Variants in DNAAF11 observed in about 807,000 individuals in gnomAD.
DNAAF11 encodes dynein axonemal assembly factor 11, also known as leucine rich repeat containing 6.
In DNAAF11, 45 loss-of-function variants were observed where a neutral mutation model predicts 60.8. The observed-to-expected ratio is 0.74, with a 90% CI of 0.58 to 0.95. The LOEUF (loss-of-function observed/expected upper bound fraction) is 0.95, where lower values mean the gene tolerates loss of function less well. DNAAF11 is among the 40% of genes least tolerant of loss of function. The pLI is 0.00. For missense variants in DNAAF11, 546 were observed against 546.2 expected (o/e 1.00, Z 0.00); for synonymous variants, 191 against 183.5 (o/e 1.04, Z -0.33).
intron 3 of DNAAF11, among the ~76,000 whole-genome samples, chr8:132,646,036 C>A (rs1367798142): frequency 6.6e-6 from 1 of 152,130 alleles, no homozygotes; most frequent in Non-Finnish European, 1.5e-5. Flanking sequence ...ACATAATTGT[C>A]AGATTCACCA....
chr8:132,606,200 A>G (rs1818117061), intron 10 of DNAAF11, among the ~76,000 whole-genome samples: 1 of 152,224 alleles, frequency 6.6e-6, no homozygotes, highest in African/African-American at 2.4e-5. Context: ...AGCATATACA[A>G]TTATGTCCAG....
At chr8:132,577,389 G>A (rs1047395621) in intron 11 of DNAAF11, among the ~76,000 whole-genome samples, 7 of 152,102 alleles carry the variant, frequency 4.6e-5, no homozygotes, top group African/African-American at 1.7e-4. Flanking sequence ...GTCTATCTTA[G>A]GTATTCTATT....
chr8:132,683,104 T>C, the DNAAF11 span, among the ~76,000 whole-genome samples: 1 of 152,204 alleles, frequency 6.6e-6, no homozygotes, highest in South Asian at 2.1e-4. Flanking sequence ...ATGGATTCCA[T>C]GGTATTTGAG....
chr8:132,688,925 A>G, the DNAAF11 span, among the ~76,000 whole-genome samples: 1 of 152,206 alleles, frequency 6.6e-6, no homozygotes, highest in Non-Finnish European at 1.5e-5. Flanking sequence ...ATTTATTCTA[A>G]TTCATGTAAG....
chr8:132,659,556 C>T (rs1823925097), intron 2 of DNAAF11, among the ~76,000 whole-genome samples: 1 of 152,114 alleles, frequency 6.6e-6, no homozygotes, highest in South Asian at 2.1e-4. Flanking sequence ...TTTCATGCCC[C>T]CATGCATAAA....
chr8:132,666,415 T>TA (rs1253854808), intron 1 of DNAAF11, among the ~76,000 whole-genome samples: 2 of 152,046 alleles, frequency 1.3e-5, no homozygotes, highest in Non-Finnish European at 2.9e-5. Flanking sequence ...TATGTACAAT[T>TA]ATGTCAAATA....
intron 3 of DNAAF11, among the ~76,000 whole-genome samples, chr8:132,650,584 T>C (rs909282322): frequency 6.6e-6 from 1 of 152,186 alleles, no homozygotes. Context: ...ATTATAAAAA[T>C]GTAGGCTCAG....
At chr8:132,622,386 A>G (rs1462297299) in intron 7 of DNAAF11, among the ~76,000 whole-genome samples, 2 of 152,236 alleles carry the variant, frequency 1.3e-5, no homozygotes, top group African/African-American at 2.4e-5. Flanking sequence ...AGATCTCCAT[A>G]TGTCAAGATC....
At chr8:132,656,024 C>A (rs544524663) in intron 3 of DNAAF11, among the ~76,000 whole-genome samples, 1 of 152,088 alleles carries the variant, frequency 6.6e-6, no homozygotes, top group Non-Finnish European at 1.5e-5. Context: ...AAACTGTGCA[C>A]ATGTACACAA....
chr8:132,634,796 T>C (rs1170125119), intron 4 of DNAAF11, among the ~76,000 whole-genome samples: 1 of 148,566 alleles, frequency 6.7e-6, no homozygotes, highest in Non-Finnish European at 1.5e-5. Flanking sequence ...TATATAAATA[T>C]ATATTAACAT....
chr8:132,694,491 T>C, the DNAAF11 span, among the ~76,000 whole-genome samples: 2 of 152,202 alleles, frequency 1.3e-5, no homozygotes, highest in Non-Finnish European at 2.9e-5. Flanking sequence ...CTCAGACTTC[T>C]AGCCTCCGTA....
At chr8:132,635,494 G>T (rs548485716) in intron 4 of DNAAF11, among the ~76,000 whole-genome samples, 1 of 152,274 alleles carries the variant, frequency 6.6e-6, no homozygotes, top group South Asian at 2.1e-4. Flanking sequence ...CCACTATACT[G>T]CAGGGCCCAC....
intron 1 of DNAAF11, among the ~76,000 whole-genome samples, chr8:132,674,120 G>GGAA (rs1563725830): frequency 1.4e-5 from 2 of 144,306 alleles, no homozygotes; most frequent in Non-Finnish European, 3.0e-5. Context: ...AGCAGGAGGA[G>GGAA]GAGGAGGAGG....
chr8:132,675,524 C>T lies in DNAAF11; in HGVS notation c.-31G>A, dbSNP rs903247364. 3.2e-6 allele frequency: 5 copies of T among 1,552,618 alleles called. No individual in the cohort carries two copies. Among genetic ancestry groups the T allele is most frequent in the Admixed American group, 1.8e-5 (1 of 54,444 alleles). ...CTCTCCAGTTCGCTGACCCCGCAAG[C>T]CGGACCCGGACCTCGAATGACGCTT... On this transcript the variant is annotated 5_prime_UTR_variant, in exon 1 of 12. Transcript: ENST00000620350.
At chr8:132,699,676 A>C in the DNAAF11 span, among the ~76,000 whole-genome samples, 1 of 152,048 alleles carries the variant, frequency 6.6e-6, no homozygotes, top group Non-Finnish European at 1.5e-5. Flanking sequence ...CAATAGCCCC[A>C]AAAGTGGTAA....
At chr8:132,607,548 G>T (rs535682826) in intron 10 of DNAAF11, among the ~76,000 whole-genome samples, 1 of 152,258 alleles carries the variant, frequency 6.6e-6, no homozygotes, top group South Asian at 2.1e-4. Flanking sequence ...AATACCCAGA[G>T]TGTATAGATC....
intron 3 of DNAAF11, chr8:132,643,778 T>C (rs75542809): frequency 2.1e-4 from 95 of 452,734 alleles, no homozygotes; most frequent in African/African-American, 1.6e-3. Flanking sequence ...CGTTAGACAC[T>C]TGTAATAGAA....
intron 1 of DNAAF11, among the ~76,000 whole-genome samples, chr8:132,674,078 G>A (rs1291952426): frequency 6.7e-6 from 1 of 150,328 alleles, no homozygotes; most frequent in East Asian, 2.0e-4. Context: ...AGGAGGAGGA[G>A]GAGCAGGAGG....
At chr8:132,625,498 T>G in intron 5 of DNAAF11, 44 bp from the exon 6 acceptor site, 1 of 1,436,890 alleles carries the variant, frequency 7.0e-7, no homozygotes, top group East Asian at 2.3e-5. Flanking sequence ...AATGGATTCA[T>G]GAGCTTCATC....
Sources: gnomAD v4.1 joint callset for allele counts (sites outside exome capture counted in the v4.1 genomes callset) on GRCh38, gnomAD v4.1.1 for gene constraint, MANE v1.5 for transcripts, NCBI Gene and HGNC (gene_info 2026-07-23, HGNC 2026-07-21) for gene names.